Variants in SHANK2 observed in about 807,000 individuals in gnomAD.
SHANK2 encodes the protein SH3 and multiple ankyrin repeat domains protein 2.
Under a neutral mutation model 133.7 loss-of-function variants are expected in SHANK2, and 43 were observed. The ratio of observed to expected loss-of-function variants is 0.32; its 90% CI spans 0.25 to 0.41. The LOEUF (loss-of-function observed/expected upper bound fraction) is 0.41. Ranked by LOEUF, SHANK2 falls within the 10% of genes least tolerant of loss-of-function variation. The pLI, the probability that SHANK2 is intolerant of heterozygous loss-of-function variation, is 1.00. For synonymous variants in SHANK2, 1,017 were observed against 952.8 expected (o/e 1.07, Z -1.24); for missense variants, 1,994 against 2,235.8 (o/e 0.89, Z 2.18).
intron 14 of SHANK2, among the ~76,000 whole-genome samples, chr11:70,712,196 A>C (rs1163212375): frequency 1.3e-5 from 2 of 152,168 alleles, no homozygotes; most frequent in African/African-American, 4.8e-5. Context: ...AAGCGGGACA[A>C]GTCCTTCCCC....
chr11:70,552,528 C>T (rs1346157928), intron 17 of SHANK2, among the ~76,000 whole-genome samples: 6 of 152,244 alleles, frequency 3.9e-5, no homozygotes, highest in African/African-American at 1.4e-4. Context: ...TCTCATTTCC[C>T]AGGCTCTAAT....
At chr11:70,574,556 G>A (rs1480342310) in intron 17 of SHANK2, among the ~76,000 whole-genome samples, 1 of 152,200 alleles carries the variant, frequency 6.6e-6, no homozygotes, top group African/African-American at 2.4e-5. Flanking sequence ...CACTTTGCCA[G>A]GGGACTTCTA....
At chr11:71,110,871 A>C (rs1453350172) in intron 5 of SHANK2, among the ~76,000 whole-genome samples, 1 of 152,274 alleles carries the variant, frequency 6.6e-6, no homozygotes, top group Non-Finnish European at 1.5e-5. Flanking sequence ...CCAATGTAAT[A>C]GTATGGAGAG....
chr11:70,898,580 T>C (rs1029971893), intron 10 of SHANK2, among the ~76,000 whole-genome samples: 5 of 152,214 alleles, frequency 3.3e-5, no homozygotes, highest in Non-Finnish European at 4.4e-5. Context: ...TGTGTTCTAG[T>C]ATTTTTGTGG....
chr11:70,827,728 C>G (rs888721309), intron 11 of SHANK2, among the ~76,000 whole-genome samples: 1 of 127,878 alleles, frequency 7.8e-6, no homozygotes, highest in African/African-American at 2.9e-5. Context: ...CACACACACA[C>G]AACCAGAGAA....
intron 17 of SHANK2, among the ~76,000 whole-genome samples, chr11:70,596,703 G>T (rs1436003280): frequency 6.6e-6 from 1 of 152,200 alleles, no homozygotes; most frequent in East Asian, 1.9e-4. Flanking sequence ...TCCCTGGGCT[G>T]CTGCAAGGCT....
chr11:71,123,682 C>T (rs1555101985), intron 3 of SHANK2, among the ~76,000 whole-genome samples: 1 of 152,150 alleles, frequency 6.6e-6, no homozygotes, highest in African/African-American at 2.4e-5. Flanking sequence ...CACAGCCCTG[C>T]GAGGTGGCTA....
At chr11:70,863,219 G>A (rs373712819) in intron 11 of SHANK2, 2 of 414,592 alleles carry the variant, frequency 4.8e-6, no homozygotes, top group Admixed American at 2.5e-5. Context: ...CCTGGGTTGA[G>A]TGGCCCACTG....
chr11:70,794,803 G>A (rs782243578), intron 14 of SHANK2, among the ~76,000 whole-genome samples: 12 of 152,084 alleles, frequency 7.9e-5, no homozygotes, highest in African/African-American at 1.9e-4. Context: ...TGATTCACCC[G>A]CCTTGGCCTC....
At chr11:70,711,339 A>T (rs1421382101) in intron 14 of SHANK2, among the ~76,000 whole-genome samples, 1 of 152,166 alleles carries the variant, frequency 6.6e-6, no homozygotes, top group Non-Finnish European at 1.5e-5. Flanking sequence ...CCTCCCTCCC[A>T]CGCAGCCTCC....
chr11:70,650,157 C>T (rs2061323029), intron 17 of SHANK2, among the ~76,000 whole-genome samples: 1 of 152,212 alleles, frequency 6.6e-6, no homozygotes, highest in South Asian at 2.1e-4. Flanking sequence ...ATCATGTGAG[C>T]TGAAACCTCA....
intron 15 of SHANK2, among the ~76,000 whole-genome samples, chr11:70,695,075 C>T (rs1423139596): frequency 6.6e-6 from 1 of 152,152 alleles, no homozygotes. Flanking sequence ...CTGAATACGT[C>T]AGGATTCCAC....
intron 2 of SHANK2, among the ~76,000 whole-genome samples, chr11:71,210,235 TATATATATATATATA>T (rs1565516692): frequency 3.2e-4 from 33 of 103,076 alleles, no homozygotes; most frequent in South Asian, 1.5e-3. Flanking sequence ...TATATATATA[TATATATATATATATA>T]TATTTATTTA....
intron 17 of SHANK2, among the ~76,000 whole-genome samples, chr11:70,520,970 T>A (rs187036232): frequency 6.6e-6 from 1 of 152,344 alleles, no homozygotes; most frequent in East Asian, 1.9e-4. Flanking sequence ...CCTTTTGCCG[T>A]GCTTTCGAAT....
At chr11:70,579,299 A>C (rs2060154925) in intron 17 of SHANK2, among the ~76,000 whole-genome samples, 1 of 152,174 alleles carries the variant, frequency 6.6e-6, no homozygotes, top group African/African-American at 2.4e-5. Context: ...TGAAACACAG[A>C]TCAAAGTCCC....
intron 17 of SHANK2, among the ~76,000 whole-genome samples, chr11:70,552,077 G>A (rs1043719542): frequency 3.3e-5 from 5 of 152,238 alleles, no homozygotes; most frequent in Non-Finnish European, 5.9e-5. Context: ...CCAAGACCAC[G>A]TTTACCAGTG....
chr11:70,742,405 G>A (rs957866015), intron 14 of SHANK2, among the ~76,000 whole-genome samples: 1 of 152,230 alleles, frequency 6.6e-6, no homozygotes, highest in Admixed American at 6.5e-5. Context: ...GCACAAAGTA[G>A]AAGTTTGGAA....
chr11:70,902,810 G>A (rs1565395118), intron 10 of SHANK2, among the ~76,000 whole-genome samples: 1 of 152,172 alleles, frequency 6.6e-6, no homozygotes, highest in Non-Finnish European at 1.5e-5. Context: ...ACAAGTAGAG[G>A]AAAGCAGATG....
intron 17 of SHANK2, among the ~76,000 whole-genome samples, chr11:70,587,347 G>C (rs1554987025): frequency 6.6e-6 from 1 of 152,230 alleles, no homozygotes; most frequent in African/African-American, 2.4e-5. Context: ...TAATGGGGCA[G>C]AGGGGAGAAG....
Sources: gnomAD v4.1 joint callset for allele counts (sites outside exome capture counted in the v4.1 genomes callset) on GRCh38, gnomAD v4.1.1 for gene constraint, MANE v1.5 for transcripts, NCBI Gene and HGNC (gene_info 2026-07-23, HGNC 2026-07-21) for gene names.